Variants in MAP6 observed in about 807,000 individuals in gnomAD.
The protein encoded by MAP6 is microtubule-associated protein 6.
In MAP6, 26 loss-of-function variants were observed where a neutral mutation model predicts 42.4. That is an observed-to-expected ratio of 0.61 (90% CI 0.45 to 0.85). MAP6 has a LOEUF of 0.85. MAP6 is among the 40% of genes least tolerant of loss of function. The probability of loss-of-function intolerance (pLI) is 0.00; values close to 1 mark genes in which losing one functional copy is unlikely to be tolerated. For synonymous variants in MAP6, 418 were observed against 443.8 expected (o/e 0.94, Z 0.73); for missense variants, 966 against 1,099.0 (o/e 0.88, Z 1.71).
chr11:75,613,822 C>G (rs1942948810), intron 1 of MAP6, among the ~76,000 whole-genome samples: 2 of 152,144 alleles, frequency 1.3e-5, no homozygotes. Context: ...GAAGGCTGGG[C>G]CAGCCTTCAA....
chr11:75,629,201 C>T (rs1395693903), intron 1 of MAP6, among the ~76,000 whole-genome samples: 3 of 152,186 alleles, frequency 2.0e-5, no homozygotes, highest in Non-Finnish European at 4.4e-5. Flanking sequence ...GATTTTCCTG[C>T]CTTAGCCTCC....
At chr11:75,627,241 G>C (rs1243957613) in intron 1 of MAP6, among the ~76,000 whole-genome samples, 1 of 152,240 alleles carries the variant, frequency 6.6e-6, no homozygotes, top group African/African-American at 2.4e-5. Flanking sequence ...AGGGAACTCT[G>C]TGCCATTTGG....
Position 75,587,014 on chromosome 11 carries a change from C to A in MAP6, c.*45G>T, listed in dbSNP as rs754538741. The stretch of plus-strand genomic sequence containing the variant: ...GTCTTCACTGCCCCTGGGAGGGGAG[C>A]ACTCTCACTGTCAGCTCCTTCATTG... On this transcript the variant is annotated 3_prime_UTR_variant, in exon 4 of 4. Transcript: ENST00000304771. 1.7e-5 allele frequency: 26 copies of A among 1,513,890 alleles called. No homozygotes were observed. The highest frequency in any genetic ancestry group is 2.2e-5 in the Non-Finnish European group (25 of 1,128,574). The allele number at this position is 1,513,890 out of a possible 1,614,324, so 93.8% of individuals were successfully genotyped here.
At position 75,667,674 on chromosome 11, in the gene MAP6, C is replaced by T; in HGVS notation, c.696G>A (p.Gly232=). The change falls in exon 1 of 4, where the codon GGG becomes GGA. Residue 232 remains glycine (G), a synonymous_variant. Coordinates refer to ENST00000304771, the MANE Select transcript of MAP6 (RefSeq NM_033063.2). This position sits in a 1 kb window ranked among gnomAD's most constrained non-coding sequence, Gnocchi z 5.6. ...TCCTGCGCGTGTCGCGCTCGTCCGCCCCGGACGCCTTTCCGGCCGCCAGGC... is the reference window on the plus strand; with the variant it reads ...TCCTGCGCGTGTCGCGCTCGTCCGCTCCGGACGCCTTTCCGGCCGCCAGGC... ...AGGLAAGKAS[G]ADERDTRRKA... 2 of 1,270,666 alleles carry T rather than the reference C, an allele frequency of 1.6e-6. No homozygotes were observed. The highest frequency in any genetic ancestry group is 1.6e-5 in the African/African-American group (1 of 64,260). The allele number at this position is 1,270,666 out of a possible 1,614,324, so 78.7% of individuals were successfully genotyped here.
intron 3 of MAP6, among the ~76,000 whole-genome samples, chr11:75,599,779 C>T (rs1205560806): frequency 6.6e-6 from 1 of 152,204 alleles, no homozygotes; most frequent in Admixed American, 6.5e-5. Flanking sequence ...GGATAGACAG[C>T]AGGCTATGGA....
intron 1 of MAP6, among the ~76,000 whole-genome samples, chr11:75,634,492 G>A (rs1943336408): frequency 1.3e-5 from 2 of 152,144 alleles, no homozygotes; most frequent in South Asian, 4.2e-4. Flanking sequence ...GGCCAGGCTG[G>A]TCTTGACCTC....
chr11:75,635,908 A>T (rs1943361025), intron 1 of MAP6: 1 of 152,270 alleles, frequency 6.6e-6, no homozygotes, highest in African/African-American at 2.4e-5. Context: ...TATAATAAGT[A>T]CACAAAACCT....
chr11:75,612,604 T>G (rs1259914812), intron 1 of MAP6, among the ~76,000 whole-genome samples: 1 of 152,112 alleles, frequency 6.6e-6, no homozygotes, highest in Non-Finnish European at 1.5e-5. Context: ...GGCTGGGGTC[T>G]TGGAGGCTGT....
At chr11:75,604,982 A>G (rs1174802311) in intron 3 of MAP6, 2 of 985,454 alleles carry the variant, frequency 2.0e-6, no homozygotes, top group African/African-American at 3.5e-5. Flanking sequence ...TCTTCCTCAG[A>G]CATCTCCAAC....
rs1243492757 is a variant in MAP6, at chr11:75,587,514, A to T, written c.1987T>A (p.Ser663Thr). Residue 663 changes from serine (S) to threonine (T), a missense_variant, in exon 4 of 4, where the codon TCC becomes ACC. Ser to Thr is a moderately conservative substitution (Grantham distance 58). Around this residue, in one of 2 missense-constraint regions of MAP6, gnomAD observed 943 missense variants for 1,049.9 expected, o/e 0.90. Coordinates refer to ENST00000304771, the MANE Select transcript of MAP6 (RefSeq NM_033063.2). ...TTCTTTACAGGCTCAGAGACCATGG[A>T]ACCTTGATTCTTTATGGGTGCTGTG... is the stretch of plus-strand genomic sequence containing the variant. ...MATAPIKNQG[S>T]MVSEPVKNQG... is the part of the protein sequence containing the mutation. The T allele has an allele frequency of 5.0e-6, 8 of 1,613,862 alleles. No homozygotes were observed. The highest frequency in any genetic ancestry group is 4.2e-6 in the Non-Finnish European group (5 of 1,179,986).
chr11:75,599,378 A>G (rs925350876), intron 3 of MAP6, among the ~76,000 whole-genome samples: 3 of 152,222 alleles, frequency 2.0e-5, no homozygotes, highest in African/African-American at 4.8e-5. Flanking sequence ...ATAATAATGG[A>G]TACCAGTTTT....
intron 1 of MAP6, among the ~76,000 whole-genome samples, chr11:75,666,876 G>C (rs1247393916): frequency 6.6e-6 from 1 of 152,220 alleles, no homozygotes; most frequent in African/African-American, 2.4e-5. Context: ...GCTAGGGAGA[G>C]GTGGAAGGAC....
intron 1 of MAP6, among the ~76,000 whole-genome samples, chr11:75,638,214 C>T (rs1259489236): frequency 6.6e-6 from 1 of 152,228 alleles, no homozygotes; most frequent in Non-Finnish European, 1.5e-5. Context: ...GCTGTTACCA[C>T]TCCCAGGAAG....
intron 3 of MAP6, chr11:75,602,723 A>C (rs1432983591): frequency 2.3e-5 from 15 of 652,600 alleles, no homozygotes; most frequent in Non-Finnish European, 2.9e-5. Context: ...GGCAATCTAA[A>C]AGAGTCAAGC....
rs186525964 is a variant in MAP6, at chr11:75,634,319, C to A, written c.906-25997G>T. On this transcript the variant is annotated intron_variant, in intron 1 of 3. Coordinates refer to ENST00000304771, the MANE Select transcript of MAP6 (RefSeq NM_033063.2). The stretch of plus-strand genomic sequence containing the variant: ...TTTTTGAGACAAAGTCTCTGTCACC[C>A]AGGCTGGAGTGCCAGGGCGTGATCT... 6.6e-5 allele frequency among the ~76,000 whole-genome samples: 10 copies of A among 152,332 alleles called. No homozygotes were observed. In the East Asian group the frequency reaches 1.9e-3, roughly 29 times the overall value.
chr11:75,614,337 T>C (rs1272557539), intron 1 of MAP6, among the ~76,000 whole-genome samples: 1 of 152,218 alleles, frequency 6.6e-6, no homozygotes, highest in Non-Finnish European at 1.5e-5. Flanking sequence ...TCTTTGATAC[T>C]TCTACCTTAC....
chr11:75,605,742 T>TAAA, intron 3 of MAP6, 66 bp downstream of exon 3: 1 of 1,215,228 alleles, frequency 8.2e-7, no homozygotes, highest in African/African-American at 1.6e-5. Context: ...TTTGTTGGTT[T>TAAA]AAAAAAAAAA....
chr11:75,666,748 G>A (rs1943954862), intron 1 of MAP6, among the ~76,000 whole-genome samples: 1 of 152,148 alleles, frequency 6.6e-6, no homozygotes, highest in Non-Finnish European at 1.5e-5. Flanking sequence ...AAAATAAAAT[G>A]TTTAATATTA....
intron 1 of MAP6, among the ~76,000 whole-genome samples, chr11:75,625,232 C>T (rs1015838849): frequency 6.6e-6 from 1 of 152,190 alleles, no homozygotes; most frequent in South Asian, 2.1e-4. Context: ...TCTTTAGAGG[C>T]ATTTTCCAGG....
Sources: gnomAD v4.1 joint callset for allele counts (sites outside exome capture counted in the v4.1 genomes callset) on GRCh38, gnomAD v4.1.1 for gene constraint, gnomAD v4.1.1 regional missense constraint, Gnocchi (gnomAD v3.1) non-coding constraint, MANE v1.5 for transcripts, NCBI Gene and HGNC (gene_info 2026-07-23, HGNC 2026-07-21) for gene names.